EYS: variants seen among roughly 807,000 people sequenced by gnomAD.
EYS encodes protein eyes shut homolog.
EYS carries 250 observed loss-of-function variants against 282.1 expected under a neutral mutation model. That is an observed-to-expected ratio of 0.89 (90% CI 0.80 to 0.98). The LOEUF (loss-of-function observed/expected upper bound fraction) is 0.98, where lower values mean the gene tolerates loss of function less well. Ranked by LOEUF, EYS falls within the 50% of genes least tolerant of loss-of-function variation. The pLI, the probability that EYS is intolerant of heterozygous loss-of-function variation, is 0.00. For synonymous variants in EYS, 1,355 were observed against 1,282.9 expected (o/e 1.06, Z -1.20); for missense variants, 4,016 against 3,709.0 (o/e 1.08, Z -2.15).
At chr6:65,134,898 T>C (rs1462361931) in intron 12 of EYS, among the ~76,000 whole-genome samples, 1 of 152,066 alleles carries the variant, frequency 6.6e-6, no homozygotes, top group Non-Finnish European at 1.5e-5. Context: ...CTTGGGATAC[T>C]CTTGCAACTG....
At chr6:65,600,697 T>C (rs1562281017) in intron 2 of EYS, among the ~76,000 whole-genome samples, 1 of 152,010 alleles carries the variant, frequency 6.6e-6, no homozygotes, top group African/African-American at 2.4e-5. Flanking sequence ...ACCTCTGATT[T>C]CAAAATTAAA....
chr6:65,556,497 A>C (rs1008195282), intron 2 of EYS, among the ~76,000 whole-genome samples: 2 of 151,902 alleles, frequency 1.3e-5, no homozygotes, highest in African/African-American at 4.8e-5. Flanking sequence ...ATTTTAATTA[A>C]AGTCCATGTA....
chr6:64,314,886 G>T (rs578210756), intron 29 of EYS, among the ~76,000 whole-genome samples: 1 of 151,838 alleles, frequency 6.6e-6, no homozygotes, highest in Non-Finnish European at 1.5e-5. Flanking sequence ...GAGCAAACAC[G>T]TTCAAAAGCT....
At chr6:63,936,447 T>C (rs1290755541) in intron 35 of EYS, among the ~76,000 whole-genome samples, 1 of 152,206 alleles carries the variant, frequency 6.6e-6, no homozygotes, top group Non-Finnish European at 1.5e-5. Context: ...TTATATGCAC[T>C]TTCCCCAGAA....
intron 12 of EYS, among the ~76,000 whole-genome samples, chr6:65,192,848 G>A (rs773127945): frequency 7.2e-5 from 11 of 151,820 alleles, no homozygotes; most frequent in South Asian, 2.1e-4. Context: ...ACATGCTTAG[G>A]AAGTGTAATG....
At chr6:64,577,662 T>C (rs1403938161) in intron 26 of EYS, among the ~76,000 whole-genome samples, 1 of 152,100 alleles carries the variant, frequency 6.6e-6, no homozygotes, top group African/African-American at 2.4e-5. Context: ...TGCACAACAC[T>C]AAACATATAT....
rs1318752050 is a variant in EYS at position 64,924,239 on chromosome 6, C to T, written c.2382-11496G>A. Among the ~76,000 whole-genome samples, 4 of 152,198 alleles carry T rather than the reference C, an allele frequency of 2.6e-5. No homozygotes were observed. In the East Asian group the frequency reaches 5.8e-4, roughly 22 times the overall value. On this transcript the variant is annotated intron_variant, in intron 15 of 42. Coordinates refer to ENST00000503581, the MANE Select transcript of EYS (RefSeq NM_001142800.2). Reference sequence around the variant, plus strand: ...AGCTGCCAAGGCTTAGGGCTTCCACCCTCTGAAGCCACAGCCCAAGCTGTA... The same window carrying T: ...AGCTGCCAAGGCTTAGGGCTTCCACTCTCTGAAGCCACAGCCCAAGCTGTA...
At chr6:65,231,051 G>GTA (rs201704316) in intron 12 of EYS, among the ~76,000 whole-genome samples, 6,042 of 144,758 alleles carry the variant, frequency 0.042, 174 homozygotes, top group Non-Finnish European at 0.062. Flanking sequence ...AAAATTAAAA[G>GTA]TATATATATA....
intron 12 of EYS, among the ~76,000 whole-genome samples, chr6:65,136,673 A>G (rs981479938): frequency 6.6e-6 from 1 of 151,758 alleles, no homozygotes; most frequent in African/African-American, 2.4e-5. Context: ...ACAAAAAAAT[A>G]TCACAAAATT....
At chr6:64,050,853 T>G (rs1770787032) in intron 33 of EYS, among the ~76,000 whole-genome samples, 1 of 152,192 alleles carries the variant, frequency 6.6e-6, no homozygotes, top group Admixed American at 6.6e-5. Context: ...CTTAAATAAT[T>G]TAAGGCAGTT....
intron 2 of EYS, among the ~76,000 whole-genome samples, chr6:65,569,238 C>G (rs905346387): frequency 3.9e-5 from 6 of 151,986 alleles, no homozygotes; most frequent in African/African-American, 1.4e-4. Flanking sequence ...CCAGGGAGAA[C>G]TACCCCCTTT....
intron 28 of EYS, among the ~76,000 whole-genome samples, chr6:64,406,227 A>T (rs2150439889): frequency 6.6e-6 from 1 of 152,352 alleles, no homozygotes; most frequent in Admixed American, 6.5e-5. Context: ...TTCCCTATTT[A>T]ATAAATGGTA....
At chr6:65,095,245 C>T (rs1415203277) in intron 12 of EYS, among the ~76,000 whole-genome samples, 1 of 150,976 alleles carries the variant, frequency 6.6e-6, no homozygotes, top group African/African-American at 2.4e-5. Context: ...AAGGGTGGTA[C>T]CAGAGGCCGT....
intron 12 of EYS, among the ~76,000 whole-genome samples, chr6:65,294,061 T>C (rs1436617439): frequency 3.3e-5 from 5 of 151,320 alleles, no homozygotes; most frequent in Non-Finnish European, 3.0e-5. Flanking sequence ...GAGGATCATA[T>C]GATGGGGAGA....
chr6:64,217,832 G>C (rs1765979551), intron 31 of EYS, among the ~76,000 whole-genome samples: 2 of 152,092 alleles, frequency 1.3e-5, no homozygotes, highest in Non-Finnish European at 2.9e-5. Context: ...TGATTCTTCA[G>C]AGGAATTTAA....
At chr6:63,969,323 C>T (rs966849858) in intron 35 of EYS, among the ~76,000 whole-genome samples, 6 of 152,120 alleles carry the variant, frequency 3.9e-5, no homozygotes, top group Non-Finnish European at 4.4e-5. Flanking sequence ...CAGATGGTAA[C>T]ACCAGTAAAA....
chr6:64,610,498 G>T (rs73764886), intron 24 of EYS, among the ~76,000 whole-genome samples: 1 of 148,204 alleles, frequency 6.7e-6, no homozygotes, highest in African/African-American at 2.5e-5. Context: ...CCAAATCCCC[G>T]GTTCAAGCGA....
At chr6:65,225,147 G>A (rs938857273) in intron 12 of EYS, among the ~76,000 whole-genome samples, 1 of 151,594 alleles carries the variant, frequency 6.6e-6, no homozygotes, top group Admixed American at 6.6e-5. Flanking sequence ...ATATCTTATG[G>A]ATATAGTTAG....
intron 5 of EYS, among the ~76,000 whole-genome samples, chr6:65,407,129 A>T (rs1432084663): frequency 6.6e-6 from 1 of 152,126 alleles, no homozygotes; most frequent in Non-Finnish European, 1.5e-5. Context: ...CTATTCTTGC[A>T]TTTCTCTCAG....
Sources: gnomAD v4.1 joint callset for allele counts (sites outside exome capture counted in the v4.1 genomes callset) on GRCh38, gnomAD v4.1.1 for gene constraint, MANE v1.5 for transcripts, NCBI Gene and HGNC (gene_info 2026-07-23, HGNC 2026-07-21) for gene names.